FRMD5: variants seen among roughly 807,000 people sequenced by gnomAD.
The protein encoded by FRMD5 is FERM domain-containing protein 5.
FRMD5 carries 20 observed loss-of-function variants against 69.0 expected under a neutral mutation model. That is an observed-to-expected ratio of 0.29 (90% CI 0.20 to 0.42). The LOEUF (loss-of-function observed/expected upper bound fraction) is 0.42. FRMD5 is among the 10% of genes least tolerant of loss of function. The pLI is 1.00. For synonymous variants in FRMD5, 271 were observed against 260.1 expected (o/e 1.04, Z -0.40); for missense variants, 595 against 708.6 (o/e 0.84, Z 1.82).
intron 1 of FRMD5, among the ~76,000 whole-genome samples, chr15:43,972,705 C>T (rs887834158): frequency 1.3e-5 from 2 of 152,190 alleles, no homozygotes; most frequent in East Asian, 1.9e-4. Context: ...CTAGCCTCCA[C>T]GTGCATGACA....
intron 1 of FRMD5, among the ~76,000 whole-genome samples, chr15:44,129,683 T>C (rs956651446): frequency 2.0e-5 from 3 of 152,162 alleles, no homozygotes; most frequent in Non-Finnish European, 2.9e-5. Flanking sequence ...TACTGTAGGA[T>C]AGGCTTTTAG....
chr15:44,164,144 C>T (rs1474499705), intron 1 of FRMD5, among the ~76,000 whole-genome samples: 1 of 152,128 alleles, frequency 6.6e-6, no homozygotes. Flanking sequence ...TTCTTCAGCC[C>T]CACTCCCTTC....
intron 8 of FRMD5, among the ~76,000 whole-genome samples, chr15:43,891,017 C>A (rs1156803487): frequency 6.6e-6 from 1 of 152,200 alleles, no homozygotes; most frequent in African/African-American, 2.4e-5. Context: ...ACAAACCAAA[C>A]AGACTTCCCC....
intron 1 of FRMD5, among the ~76,000 whole-genome samples, chr15:43,968,001 A>G (rs2090321193): frequency 1.3e-5 from 2 of 151,506 alleles, no homozygotes; most frequent in Admixed American, 6.6e-5. Flanking sequence ...CCCACTTATG[A>G]GTGAGAACAA....
intron 1 of FRMD5, among the ~76,000 whole-genome samples, chr15:43,954,005 C>T (rs985039704): frequency 6.6e-6 from 1 of 152,176 alleles, no homozygotes; most frequent in African/African-American, 2.4e-5. Flanking sequence ...CCCAAGTCCT[C>T]ATTCTATGAA....
chr15:43,881,034 G>C (rs770158596), intron 13 of FRMD5, among the ~76,000 whole-genome samples: 1 of 152,162 alleles, frequency 6.6e-6, no homozygotes, highest in Non-Finnish European at 1.5e-5. Context: ...CTCTCAGTGA[G>C]TTTTGTCTCT....
intron 1 of FRMD5, chr15:43,988,943 T>C: frequency 1.7e-6 from 1 of 572,852 alleles, no homozygotes; most frequent in Non-Finnish European, 3.3e-6. Flanking sequence ...AAATCCTGAG[T>C]CGAGCCAAAC....
At chr15:43,988,665 T>C (rs1213520192) in intron 1 of FRMD5, among the ~76,000 whole-genome samples, 2 of 151,980 alleles carry the variant, frequency 1.3e-5, no homozygotes, top group African/African-American at 4.8e-5. Context: ...AAGGCAAAGA[T>C]TAAAAAAAGT....
At chr15:43,925,222 C>G in intron 1 of FRMD5, among the ~76,000 whole-genome samples, 1 of 152,112 alleles carries the variant, frequency 6.6e-6, no homozygotes, top group East Asian at 1.9e-4. Context: ...TCAGGCTGGT[C>G]TCTAACTTCT....
chr15:43,886,658 A>G (rs1331564135), intron 10 of FRMD5, among the ~76,000 whole-genome samples: 1 of 152,172 alleles, frequency 6.6e-6, no homozygotes, highest in Non-Finnish European at 1.5e-5. Context: ...TGTTTCCACA[A>G]TCCATGAACA....
At chr15:43,980,109 T>G in intron 1 of FRMD5, among the ~76,000 whole-genome samples, 1 of 152,248 alleles carries the variant, frequency 6.6e-6, no homozygotes, top group East Asian at 1.9e-4. Flanking sequence ...GTGATTTCCC[T>G]AGATGCTTGT....
chr15:44,198,404 T>TC (rs2078324239), upstream of FRMD5, among the ~76,000 whole-genome samples: 1 of 151,916 alleles, frequency 6.6e-6, no homozygotes, highest in African/African-American at 2.4e-5. Context: ...AGTTAGATAT[T>TC]CATTCATGCT....
At chr15:44,150,625 CTT>C (rs201159673) in intron 1 of FRMD5, among the ~76,000 whole-genome samples, 21 of 133,302 alleles carry the variant, frequency 1.6e-4, no homozygotes, top group Non-Finnish European at 1.1e-4. Context: ...CTACAAAATT[CTT>C]TTTTTTTTTT....
At chr15:44,037,250 T>C (rs539666262) in intron 1 of FRMD5, among the ~76,000 whole-genome samples, 33 of 152,282 alleles carry the variant, frequency 2.2e-4, no homozygotes, top group African/African-American at 7.2e-4. Context: ...TGGTTTTCTG[T>C]TCCTGTGATA....
At chr15:43,897,006 C>T (rs558771720) in intron 7 of FRMD5, among the ~76,000 whole-genome samples, 2 of 152,194 alleles carry the variant, frequency 1.3e-5, no homozygotes, top group South Asian at 4.1e-4. Flanking sequence ...GAGGAGGAGG[C>T]ACCCTGTAAG....
intron 1 of FRMD5, among the ~76,000 whole-genome samples, chr15:44,019,960 C>T (rs1043111877): frequency 6.6e-6 from 1 of 151,836 alleles, no homozygotes; most frequent in South Asian, 2.1e-4. Context: ...ACACCTAGCA[C>T]TGAACCAGGC....
chr15:43,999,963 T>TATATATATGCCATGC lies in FRMD5; in HGVS notation c.103-75655_103-75654insGCATGGCATATATAT, dbSNP rs1555392738. The stretch of plus-strand genomic sequence containing the variant: ...TATATATATGCCATGCATATATATA[T>TATATATATGCCATGC]ATATATATATATATATATATATATA... On this transcript the variant is annotated intron_variant, in intron 1 of 13. Coordinates refer to ENST00000417257, the MANE Select transcript of FRMD5 (RefSeq NM_032892.5). Among the ~76,000 whole-genome samples the TATATATATGCCATGC allele has an allele frequency of 1.2e-3, 91 of 75,930 alleles. 3 individuals carry two copies. The highest frequency in any genetic ancestry group is 1.8e-3 in the Non-Finnish European group (79 of 44,204). The allele number at this position is 75,930 out of a possible 152,430, so 49.8% of individuals were successfully genotyped here. A position where few individuals can be genotyped will look rare whatever the true frequency, so the allele number is the denominator to read the frequency against.
intron 1 of FRMD5, among the ~76,000 whole-genome samples, chr15:44,007,277 A>G (rs1343022289): frequency 6.6e-6 from 1 of 152,214 alleles, no homozygotes; most frequent in Non-Finnish European, 1.5e-5. Flanking sequence ...GTGAAACATA[A>G]CTTTTATATG....
At chr15:44,194,930 G>A in intron 1 of FRMD5, 23 bp downstream of exon 1, 1 of 1,509,032 alleles carries the variant, frequency 6.6e-7, no homozygotes, top group East Asian at 2.6e-5. Context: ...CCCGCGGGCG[G>A]GGCGGGGCGG....
Sources: allele counts gnomAD v4.1 joint callset (sites outside exome capture counted in the v4.1 genomes callset), GRCh38; gene constraint gnomAD v4.1.1; transcripts MANE v1.5; gene names NCBI Gene and HGNC (gene_info 2026-07-23, HGNC 2026-07-21).